The following RIC8A variants were observed in gnomAD, a reference collection of about 807,000 sequenced individuals.
RIC8A encodes chaperone Ric-8A.
RIC8A carries 37 observed loss-of-function variants against 48.4 expected under a neutral mutation model. The ratio of observed to expected loss-of-function variants is 0.77; its 90% CI spans 0.59 to 1.01. The LOEUF (loss-of-function observed/expected upper bound fraction) is 1.01. Ranked by LOEUF, RIC8A falls within the 50% of genes least tolerant of loss-of-function variation. The probability of loss-of-function intolerance (pLI) is 0.00; values close to 1 mark genes in which losing one functional copy is unlikely to be tolerated. For missense variants in RIC8A, 681 were observed against 696.8 expected, an observed-to-expected ratio of 0.98 and a Z score of 0.25; for synonymous variants, 288 against 283.4, an observed-to-expected ratio of 1.02 and a Z score of -0.16.
chr11:209,422 C>G lies in RIC8A; in HGVS notation c.148C>G (p.Leu50Val). 1 of 1,601,198 alleles carries G rather than the reference C, an allele frequency of 6.2e-7. No homozygotes were observed. The highest frequency in any genetic ancestry group is 1.3e-5 in the African/African-American group (1 of 74,828). ...CTGCCCACAGAGACTGGCGGAGCTG[C>G]TGGTCTCCGTCCTGGAACAGGGCTT... is the stretch of plus-strand genomic sequence containing the variant. ...QEDRKRLAELLVSVLEQGLPP... is the reference protein window; with the variant it reads ...QEDRKRLAELVVSVLEQGLPP... The change falls in exon 3 of 10, where the codon CTG becomes GTG. Residue 50 changes from leucine (L) to valine (V), a missense_variant. Coordinates refer to ENST00000526104, the MANE Select transcript of RIC8A (RefSeq NM_001286134.2).
intron 8 of RIC8A, 37 bp downstream of exon 8, chr11:213,018 C>T: frequency 8.5e-6 from 13 of 1,526,662 alleles, no homozygotes; most frequent in Non-Finnish European, 1.1e-5. Flanking sequence ...TCTCCACTCA[C>T]AGCCCCATAG....
In RIC8A at chr11:213,400, T is replaced by A; in HGVS notation, c.1457T>A (p.Met486Lys). 6.3e-7 allele frequency: 1 copy of A among 1,595,276 alleles called. No homozygotes were observed. The highest frequency in any genetic ancestry group is 1.1e-5 in the South Asian group (1 of 88,568). The change falls in exon 9 of 10, where the codon ATG (methionine) becomes AAG (lysine). Residue 486 changes from methionine to lysine, a missense_variant. Met to Lys is a moderately conservative substitution (Grantham distance 95). Coordinates refer to ENST00000526104, the MANE Select transcript of RIC8A (RefSeq NM_001286134.2). ...KEHEAMKLVT[M>K]FDKLSRNRVI... ...CACGAGGCCATGAAGCTGGTGACCA[T>A]GTTTGACAAGCTCTCCAGGTGTGTG...
rs1048626799 is a variant in RIC8A, at chr11:208,798, G to A, written c.-57G>A. 2.0e-6 allele frequency: 3 copies of A among 1,464,910 alleles called. No homozygotes were observed. Among genetic ancestry groups the A allele is most frequent in the Admixed American group, 1.9e-5 (1 of 51,688 alleles). 90.7% of individuals were successfully genotyped at this position (1,464,910 alleles called of 1,614,324 possible). On this transcript the variant is annotated 5_prime_UTR_variant, in exon 1 of 10. Coordinates refer to ENST00000526104, the MANE Select transcript of RIC8A (RefSeq NM_001286134.2). The surrounding 1 kb of genome is among the most constrained non-coding windows in gnomAD (Gnocchi z 4.8). ...GGCTTTCTGGGCCAGGGCGGGGCCG[G>A]CGAACTGCGGCCCGGAACGGCTGAG...
Position 211,479 on chromosome 11 carries a change from A to C in RIC8A, c.969+130A>C. 4 of 990,538 alleles carry C rather than the reference A, an allele frequency of 4.0e-6. No homozygotes were observed. The highest frequency in any genetic ancestry group is 2.7e-5 in the East Asian group (1 of 37,076). 61.4% of individuals were successfully genotyped at this position (990,538 alleles called of 1,614,324 possible). On this transcript the variant is annotated intron_variant, in intron 5 of 9. Coordinates refer to ENST00000526104, the MANE Select transcript of RIC8A (RefSeq NM_001286134.2). This position sits in a 1 kb window ranked among gnomAD's most constrained non-coding sequence, Gnocchi z 4.0. ...TTGTCTTGGTGGTGTGATATGGGCG[A>C]CTCTTCCGGTTGTTCTGTGGTCCAG...
chr11:209,098 G>T, intron 1 of RIC8A, 160 bp downstream of exon 1: 2 of 1,025,398 alleles, frequency 2.0e-6, no homozygotes, highest in Non-Finnish European at 1.5e-6. Flanking sequence ...GTTGCGGGGA[G>T]AGTGGGGGTG....
chr11:213,485 T>G, intron 9 of RIC8A, 67 bp downstream of exon 9: 1 of 1,544,318 alleles, frequency 6.5e-7, no homozygotes, highest in South Asian at 1.2e-5. Flanking sequence ...TCCTGTCTTG[T>G]GAGCCCCAGG....
At position 208,993 on chromosome 11, in the gene RIC8A, T is replaced by C. The variant is rs1375005381; in HGVS notation, c.84+55T>C. The C allele has an allele frequency of 3.7e-6, 5 of 1,357,084 alleles. No homozygotes were observed. Among genetic ancestry groups the C allele is most frequent in the Admixed American group, 2.0e-5 (1 of 50,920 alleles). 84.1% of individuals were successfully genotyped at this position (1,357,084 alleles called of 1,614,324 possible). On this transcript the variant is annotated intron_variant, in intron 1 of 9. Coordinates refer to ENST00000526104, the MANE Select transcript of RIC8A (RefSeq NM_001286134.2). This position sits in a 1 kb window ranked among gnomAD's most constrained non-coding sequence, Gnocchi z 4.8. Reference sequence around the variant, plus strand: ...GCACGGAGGGGGTGGGGCAGGGTCGTGCGCGGGTAGCAGGGAGGGCGTGGG... The same window carrying C: ...GCACGGAGGGGGTGGGGCAGGGTCGCGCGCGGGTAGCAGGGAGGGCGTGGG...
chr11:213,091 C>T (rs966284894), intron 8 of RIC8A, 110 bp downstream of exon 8: 3 of 1,418,634 alleles, frequency 2.1e-6, no homozygotes, highest in African/African-American at 1.4e-5. Context: ...TGGGCAAGAG[C>T]TTCCAGAATC....
At position 211,520 on chromosome 11, in the gene RIC8A, G is replaced by T. The variant is rs1855356714; in HGVS notation, c.969+171G>T. On this transcript the variant is annotated intron_variant, in intron 5 of 9. Coordinates refer to ENST00000526104, the MANE Select transcript of RIC8A (RefSeq NM_001286134.2). This position sits in a 1 kb window ranked among gnomAD's most constrained non-coding sequence, Gnocchi z 4.0. ...TGTGGTCCAGCCTGGCAAGAAGCCAGACCCTTCCTCCATGAGAAGCATGTG... is the reference window on the plus strand; with the variant it reads ...TGTGGTCCAGCCTGGCAAGAAGCCATACCCTTCCTCCATGAGAAGCATGTG... 1.6e-6 allele frequency: 1 copy of T among 644,302 alleles called. No homozygotes were observed. The highest frequency in any genetic ancestry group is 1.8e-5 in the African/African-American group (1 of 54,358). The allele number at this position is 644,302 out of a possible 1,614,324, so 39.9% of individuals were successfully genotyped here.
Position 211,234 on chromosome 11 carries a change from A to G in RIC8A, c.854A>G (p.Lys285Arg), listed in dbSNP as rs538762404. The change falls in exon 5 of 10, where the codon AAG becomes AGG. Residue 285 changes from lysine (K) to arginine (R), a missense_variant. Coordinates refer to ENST00000526104, the MANE Select transcript of RIC8A (RefSeq NM_001286134.2). The surrounding 1 kb of genome is among the most constrained non-coding windows in gnomAD (Gnocchi z 4.0). Reference sequence around the variant, plus strand: ...AACCTCCTGGGGAACTTGCCCCTCAAGTGTCTGGATGTTCTCCTCACCCTG... The same window carrying G: ...AACCTCCTGGGGAACTTGCCCCTCAGGTGTCTGGATGTTCTCCTCACCCTG... The part of the protein sequence containing the change: ...AVNLLGNLPL[K>R]CLDVLLTLEP... 12 of 1,613,898 alleles carry G rather than the reference A, an allele frequency of 7.4e-6. No homozygotes were observed. The African/African-American group carries it at 1.5e-4, about 20-fold the overall frequency.
At chr11:213,068 A>T in intron 8 of RIC8A, 87 bp downstream of exon 8, 1 of 1,471,678 alleles carries the variant, frequency 6.8e-7, no homozygotes, top group South Asian at 1.4e-5. Context: ...GTAGGGTGGG[A>T]CAGGATGACA....
At chr11:210,928 T>C (rs1564799452) in intron 4 of RIC8A, 1 of 603,880 alleles carries the variant, frequency 1.7e-6, no homozygotes, top group Non-Finnish European at 2.9e-6. Flanking sequence ...CCTAGGCTGG[T>C]CTGGGTTTCC....
chr11:212,737 G>T lies in RIC8A; in HGVS notation c.1188G>T (p.Leu396Phe). ...TGAAGAGGGTGGCTGCCGAGTTCTTGTTTGTCCTGTGCTCTGAGAGTGGTG... is the reference window on the plus strand; with the variant it reads ...TGAAGAGGGTGGCTGCCGAGTTCTTTTTTGTCCTGTGCTCTGAGAGTGGTG... ...TDVKRVAAEFLFVLCSESVPR... is the reference protein window; with the variant it reads ...TDVKRVAAEFFFVLCSESVPR... Residue 396 changes from leucine to phenylalanine, a missense_variant, in exon 7 of 10, where the codon TTG (leucine) becomes TTT (phenylalanine). Coordinates refer to ENST00000526104, the MANE Select transcript of RIC8A (RefSeq NM_001286134.2). 6.2e-7 allele frequency: 1 copy of T among 1,614,110 alleles called. No individual in the cohort carries two copies. The highest frequency in any genetic ancestry group is 8.5e-7 in the Non-Finnish European group (1 of 1,180,034).
rs761413959 is a variant in RIC8A, at chr11:213,378, G to A, written c.1435G>A (p.Glu479Lys). Residue 479 changes from glutamate to lysine, a missense_variant, in exon 9 of 10, where the codon GAG becomes AAG. Coordinates refer to ENST00000526104, the MANE Select transcript of RIC8A (RefSeq NM_001286134.2). ...EGMTEEQKEH[E>K]AMKLVTMFDK... ...CATGACAGAGGAGCAGAAGGAGCAC[G>A]AGGCCATGAAGCTGGTGACCATGTT... 3 of 1,608,550 alleles carry A rather than the reference G, an allele frequency of 1.9e-6. No homozygotes were observed. Among genetic ancestry groups the A allele is most frequent in the Non-Finnish European group, 2.5e-6 (3 of 1,177,424 alleles).
In RIC8A at chr11:213,386, G is replaced by A; in HGVS notation, c.1443G>A (p.Met481Ile). 2 of 1,603,758 alleles carry A rather than the reference G, an allele frequency of 1.2e-6. No homozygotes were observed. Among genetic ancestry groups the A allele is most frequent in the Non-Finnish European group, 8.5e-7 (1 of 1,174,828 alleles). Residue 481 changes from methionine to isoleucine, a missense_variant, in exon 9 of 10, where the codon ATG (methionine) becomes ATA (isoleucine). Met to Ile is a conservative substitution (Grantham distance 10, BLOSUM62 1). Coordinates refer to ENST00000526104, the MANE Select transcript of RIC8A (RefSeq NM_001286134.2). ...MTEEQKEHEA[M>I]KLVTMFDKLS... The stretch of plus-strand genomic sequence containing the variant: ...AGGAGCAGAAGGAGCACGAGGCCAT[G>A]AAGCTGGTGACCATGTTTGACAAGC...
Position 209,963 on chromosome 11 carries a change from A to T in RIC8A, c.689A>T (p.Asn230Ile). 1.3e-6 allele frequency: 2 copies of T among 1,598,890 alleles called. No individual in the cohort carries two copies. Among genetic ancestry groups the T allele is most frequent in the South Asian group, 1.1e-5 (1 of 90,992 alleles). ...ATGGAGATCCTCAAAGTGCTCTTCAACATCACCCTGGACTCCATCAAGGGG... is the reference window on the plus strand; with the variant it reads ...ATGGAGATCCTCAAAGTGCTCTTCATCATCACCCTGGACTCCATCAAGGGG... ...RAMEILKVLF[N>I]ITLDSIKGEV... The change falls in exon 3 of 10, where the codon AAC (asparagine) becomes ATC (isoleucine). Residue 230 changes from asparagine to isoleucine, a missense_variant. By Grantham distance (149) the Asn-to-Ile change is moderately radical. Transcript: ENST00000526104.
In RIC8A at chr11:209,946, C is replaced by T. The variant is rs1855306964; in HGVS notation, c.672C>T (p.Ile224=). 3 of 1,601,438 alleles carry T rather than the reference C, an allele frequency of 1.9e-6. 1 individual carries two copies. Among genetic ancestry groups the T allele is most frequent in the South Asian group, 2.2e-5 (2 of 91,052 alleles). Residue 224 remains isoleucine, a synonymous_variant, in exon 3 of 10, where the codon ATC becomes ATT. Coordinates refer to ENST00000526104, the MANE Select transcript of RIC8A (RefSeq NM_001286134.2). ...AAGAGACTGAGCGGGCCATGGAGATCCTCAAAGTGCTCTTCAACATCACCC... is the reference window on the plus strand; with the variant it reads ...AAGAGACTGAGCGGGCCATGGAGATTCTCAAAGTGCTCTTCAACATCACCC... ...PSQETERAME[I]LKVLFNITLD... is the part of the protein sequence containing the mutation.
chr11:214,724 C>T lies in RIC8A; in HGVS notation c.*374C>T, dbSNP rs1464225313. The T allele has an allele frequency of 5.5e-5, 20 of 366,854 alleles. No homozygotes were observed. The highest frequency in any genetic ancestry group is 3.7e-5 in the Non-Finnish European group (7 of 188,800). 22.7% of individuals were successfully genotyped at this position (366,854 alleles called of 1,614,324 possible). A position where few individuals can be genotyped will look rare whatever the true frequency, so the allele number is the denominator to read the frequency against. On this transcript the variant is annotated 3_prime_UTR_variant, in exon 10 of 10. Coordinates refer to ENST00000526104, the MANE Select transcript of RIC8A (RefSeq NM_001286134.2). Reference sequence around the variant, plus strand: ...GTGTGGGTGCACACAAAGCAAGCACCATCTGGGATTGGCACACTGGCAGAG... The same window carrying T: ...GTGTGGGTGCACACAAAGCAAGCACTATCTGGGATTGGCACACTGGCAGAG...
chr11:214,804 TC>T lies in RIC8A; in HGVS notation c.*456del, dbSNP rs2133760578. On this transcript the variant is annotated 3_prime_UTR_variant, in exon 10 of 10. Coordinates refer to ENST00000526104, the MANE Select transcript of RIC8A (RefSeq NM_001286134.2). ...CCAGGGAGAAAACCTGTCAGAACTT[TC>T]CATACGAGTATATCAGAACACACCC... 3.0e-6 allele frequency: 1 copy of T among 337,854 alleles called. No homozygotes were observed. The highest frequency in any genetic ancestry group is 2.3e-5 in the South Asian group (1 of 43,242). 20.9% of individuals were successfully genotyped at this position (337,854 alleles called of 1,614,324 possible). A position where few individuals can be genotyped will look rare whatever the true frequency, so the allele number is the denominator to read the frequency against.
Sources: gnomAD v4.1 joint callset for allele counts on GRCh38, gnomAD v4.1.1 for gene constraint, Gnocchi (gnomAD v3.1) non-coding constraint, MANE v1.5 for transcripts, NCBI Gene and HGNC (gene_info 2026-07-23, HGNC 2026-07-21) for gene names.